EYS: variants seen among roughly 807,000 people sequenced by gnomAD.
EYS encodes EGF-like photoreceptor maintenance factor, also known as protein eyes shut homolog.
Under a neutral mutation model 282.1 loss-of-function variants are expected in EYS, and 250 were observed. The observed-to-expected ratio is 0.89, with a 90% CI of 0.80 to 0.98. The LOEUF (loss-of-function observed/expected upper bound fraction) is 0.98, where lower values mean the gene tolerates loss of function less well. Among genes scored for constraint, EYS ranks in the 50% least tolerant of loss-of-function variants. The probability of loss-of-function intolerance (pLI) is 0.00; values close to 1 mark genes in which losing one functional copy is unlikely to be tolerated. For synonymous variants in EYS, 1,355 were observed against 1,282.9 expected, an observed-to-expected ratio of 1.06 and a Z score of -1.20; for missense variants, 4,016 against 3,709.0, an observed-to-expected ratio of 1.08 and a Z score of -2.15.
At chr6:63,857,280 G>A (rs887299101) in intron 36 of EYS, among the ~76,000 whole-genome samples, 1 of 152,130 alleles carries the variant, frequency 6.6e-6, no homozygotes, top group African/African-American at 2.4e-5. Flanking sequence ...TTTTCCAGAG[G>A]TCAATATAAT....
chr6:65,392,237 T>G (rs1388371123), intron 7 of EYS, among the ~76,000 whole-genome samples: 3 of 151,412 alleles, frequency 2.0e-5, no homozygotes, highest in Non-Finnish European at 3.0e-5. Context: ...AACCTAGGCA[T>G]TACCATTCAG....
At chr6:65,111,096 C>A (rs568145420) in intron 12 of EYS, among the ~76,000 whole-genome samples, 1 of 151,500 alleles carries the variant, frequency 6.6e-6, no homozygotes, top group African/African-American at 2.4e-5. Flanking sequence ...AAATAAGACT[C>A]CAATATTTTA....
intron 5 of EYS, among the ~76,000 whole-genome samples, chr6:65,437,932 G>A (rs1026808676): frequency 1.3e-5 from 2 of 151,854 alleles, no homozygotes; most frequent in African/African-American, 2.4e-5. Context: ...ATGTAAACAT[G>A]TGCCATGTTG....
intron 15 of EYS, among the ~76,000 whole-genome samples, chr6:64,921,601 A>G (rs1168320396): frequency 6.6e-6 from 1 of 152,212 alleles, no homozygotes; most frequent in Non-Finnish European, 1.5e-5. Flanking sequence ...TGATATTCAA[A>G]AAGCCTTTAA....
intron 11 of EYS, chr6:65,329,977 A>C: frequency 2.0e-6 from 2 of 980,958 alleles, no homozygotes; most frequent in Non-Finnish European, 2.4e-6. Flanking sequence ...GAAAATGTGA[A>C]TCTCCTAAAA....
chr6:64,927,963 T>A (rs1205971038), intron 15 of EYS, among the ~76,000 whole-genome samples: 1 of 151,918 alleles, frequency 6.6e-6, no homozygotes, highest in Non-Finnish European at 1.5e-5. Context: ...AGGGTGGAAA[T>A]GAACTGTGAA....
chr6:65,337,138 G>T (rs1482477211), intron 10 of EYS, among the ~76,000 whole-genome samples: 1 of 151,382 alleles, frequency 6.6e-6, no homozygotes, highest in Non-Finnish European at 1.5e-5. Context: ...ACTCTCTGTT[G>T]AATTAGAATC....
At chr6:65,567,770 C>T (rs1325153352) in intron 2 of EYS, among the ~76,000 whole-genome samples, 1 of 152,036 alleles carries the variant, frequency 6.6e-6, no homozygotes, top group African/African-American at 2.4e-5. Flanking sequence ...TAACCAGTTT[C>T]TTTTCTAAGC....
intron 5 of EYS, among the ~76,000 whole-genome samples, chr6:65,443,775 CATAT>C: frequency 6.7e-6 from 1 of 150,312 alleles, no homozygotes; most frequent in East Asian, 2.0e-4. Flanking sequence ...CACATATATT[CATAT>C]ATAGTTACAT....
intron 34 of EYS, 84 bp downstream of exon 34, chr6:63,998,991 A>G: frequency 1.2e-6 from 1 of 816,290 alleles, no homozygotes; most frequent in South Asian, 1.6e-5. Flanking sequence ...AAGAAATATG[A>G]TTACTGCTTA....
chr6:64,166,387 G>A (rs1764291457), intron 31 of EYS, among the ~76,000 whole-genome samples: 1 of 152,156 alleles, frequency 6.6e-6, no homozygotes, highest in South Asian at 2.1e-4. Context: ...CCACTAACAG[G>A]AAGAAATGTC....
intron 22 of EYS, among the ~76,000 whole-genome samples, chr6:64,803,846 G>T (rs1764340572): frequency 6.6e-6 from 1 of 152,194 alleles, no homozygotes; most frequent in Non-Finnish European, 1.5e-5. Context: ...CCAGGAGTGG[G>T]GAAGAGTCCA....
chr6:64,202,240 C>T (rs1052367818), intron 31 of EYS, among the ~76,000 whole-genome samples: 2 of 152,122 alleles, frequency 1.3e-5, no homozygotes, highest in Non-Finnish European at 2.9e-5. Context: ...CAGATCAATC[C>T]CTGGAGAGGG....
intron 2 of EYS, among the ~76,000 whole-genome samples, chr6:65,627,211 G>T (rs1016068112): frequency 6.6e-5 from 10 of 152,148 alleles, no homozygotes; most frequent in Admixed American, 5.9e-4. Flanking sequence ...TTTGTATTAC[G>T]CAAGAGTGAA....
In EYS at chr6:64,148,427, T is replaced by C. The variant is rs570150996; in HGVS notation, c.6425-66425A>G. Reference sequence around the variant, plus strand: ...TTATGTAGTACACAGTCCTTATTACTTCTTTTCATACAGAGAGAATAGGCA... The same window carrying C: ...TTATGTAGTACACAGTCCTTATTACCTCTTTTCATACAGAGAGAATAGGCA... On this transcript the variant is annotated intron_variant, in intron 31 of 42. Coordinates refer to ENST00000503581, the MANE Select transcript of EYS (RefSeq NM_001142800.2). Among the ~76,000 whole-genome samples, 3 of 152,270 alleles carry C rather than the reference T, an allele frequency of 2.0e-5. No homozygotes were observed. In the East Asian group the frequency reaches 5.8e-4, roughly 29 times the overall value.
chr6:64,811,451 T>C (rs1370869839), intron 22 of EYS, among the ~76,000 whole-genome samples: 2 of 151,244 alleles, frequency 1.3e-5, no homozygotes, highest in African/African-American at 2.4e-5. Context: ...CAAGCTAGCC[T>C]GTGGATAACT....
chr6:65,184,005 AT>A (rs1765456306), intron 12 of EYS, among the ~76,000 whole-genome samples: 1 of 148,438 alleles, frequency 6.7e-6, no homozygotes, highest in Non-Finnish European at 1.5e-5. Flanking sequence ...ACATAATTAT[AT>A]CATTTGACTA....
At chr6:64,597,851 G>A (rs1284095320) in intron 24 of EYS, among the ~76,000 whole-genome samples, 1 of 152,040 alleles carries the variant, frequency 6.6e-6, no homozygotes, top group Non-Finnish European at 1.5e-5. Flanking sequence ...CACTTGTAAC[G>A]CTTAATTTGA....
chr6:65,196,818 G>A (rs1186231208), intron 12 of EYS, among the ~76,000 whole-genome samples: 2 of 152,026 alleles, frequency 1.3e-5, no homozygotes, highest in African/African-American at 2.4e-5. Context: ...AGGAAACAAG[G>A]GAGTAATAAT....
Sources: gnomAD v4.1 joint callset for allele counts (sites outside exome capture counted in the v4.1 genomes callset) on GRCh38, gnomAD v4.1.1 for gene constraint, MANE v1.5 for transcripts, NCBI Gene and HGNC (gene_info 2026-07-23, HGNC 2026-07-21) for gene names.